The following ATXN7L1 variants were observed in gnomAD, a reference collection of about 807,000 sequenced individuals.
ATXN7L1 encodes ataxin 7 like 1.
Under a neutral mutation model 70.8 loss-of-function variants are expected in ATXN7L1, and 15 were observed. The observed-to-expected ratio is 0.21, with a 90% CI of 0.14 to 0.33. The LOEUF is 0.33. ATXN7L1 is among the 10% of genes least tolerant of loss of function. The pLI, the probability that ATXN7L1 is intolerant of heterozygous loss-of-function variation, is 1.00. For synonymous variants in ATXN7L1, 440 were observed against 445.1 expected (o/e 0.99, Z 0.14); for missense variants, 975 against 1,097.1 (o/e 0.89, Z 1.57).
intron 3 of ATXN7L1, among the ~76,000 whole-genome samples, chr7:105,702,973 A>G (rs963532782): frequency 4.7e-4 from 71 of 152,256 alleles, no homozygotes; most frequent in Non-Finnish European, 5.9e-4. Context: ...AAAATTAGCA[A>G]GGCGTGGCGG....
chr7:105,719,379 T>TA (rs1794931271), intron 3 of ATXN7L1, among the ~76,000 whole-genome samples: 1 of 152,204 alleles, frequency 6.6e-6, no homozygotes, highest in Non-Finnish European at 1.5e-5. Flanking sequence ...GGGTAGTTGA[T>TA]AAAATCATTA....
intron 4 of ATXN7L1, among the ~76,000 whole-genome samples, chr7:105,653,815 C>T (rs911446487): frequency 6.6e-6 from 1 of 152,068 alleles, no homozygotes; most frequent in African/African-American, 2.4e-5. Context: ...AACACCAGTG[C>T]TCCGGCCTGG....
At chr7:105,864,625 C>A (rs932308840) in intron 2 of ATXN7L1, among the ~76,000 whole-genome samples, 3 of 151,526 alleles carry the variant, frequency 2.0e-5, no homozygotes, top group Non-Finnish European at 4.4e-5. Flanking sequence ...GAAACAGATT[C>A]ATTCGTTTTT....
At chr7:105,860,146 T>C (rs1453644414) in intron 2 of ATXN7L1, among the ~76,000 whole-genome samples, 3 of 52,438 alleles carry the variant, frequency 5.7e-5, no homozygotes, top group Admixed American at 1.9e-4. Context: ...TATATATATA[T>C]ACATATATAT....
In ATXN7L1 at chr7:105,659,572, G is replaced by A. The variant is rs185289381; in HGVS notation, c.578+5494C>T. Among the ~76,000 whole-genome samples the A allele has an allele frequency of 7.7e-3, 1,168 of 152,308 alleles. 15 individuals carry two copies. The highest frequency in any genetic ancestry group is 0.027 in the African/African-American group (1,118 of 41,572). On this transcript the variant is annotated intron_variant, in intron 4 of 11. Coordinates refer to ENST00000419735, the MANE Select transcript of ATXN7L1 (RefSeq NM_020725.2). The stretch of plus-strand genomic sequence containing the variant: ...AATGAGGAAAGGGCATTGAGAGAAG[G>A]TAGCCAGTGAAACGGGCAATAAGAA...
At chr7:105,736,653 C>T (rs1797412069) in intron 3 of ATXN7L1, among the ~76,000 whole-genome samples, 1 of 152,120 alleles carries the variant, frequency 6.6e-6, no homozygotes, top group Non-Finnish European at 1.5e-5. Flanking sequence ...GAGCTGTAAA[C>T]CAGGCCTGTG....
At chr7:105,823,418 G>GT (rs760224395) in intron 2 of ATXN7L1, among the ~76,000 whole-genome samples, 1 of 152,142 alleles carries the variant, frequency 6.6e-6, no homozygotes, top group Non-Finnish European at 1.5e-5. Context: ...TTCTTGAATC[G>GT]TAACAGGCCC....
chr7:105,672,507 T>C lies in ATXN7L1; in HGVS notation c.356-7219A>G, dbSNP rs144425359. Reference sequence around the variant, plus strand: ...TTTAGCTATTCTCGTACTGTCGACCTACTATTTGTCTTTTAAAAAACTGAT... The same window carrying C: ...TTTAGCTATTCTCGTACTGTCGACCCACTATTTGTCTTTTAAAAAACTGAT... On this transcript the variant is annotated intron_variant, in intron 3 of 11. Transcript: ENST00000419735. Among the ~76,000 whole-genome samples, 530 of 152,364 alleles carry C rather than the reference T, an allele frequency of 3.5e-3. 16 individuals are homozygous for C. Among genetic ancestry groups the C allele is most frequent in the Admixed American group, 0.031 (469 of 15,304 alleles).
At chr7:105,838,303 C>T (rs915376774) in intron 2 of ATXN7L1, among the ~76,000 whole-genome samples, 4 of 152,180 alleles carry the variant, frequency 2.6e-5, no homozygotes, top group Non-Finnish European at 4.4e-5. Context: ...CGAAGACACT[C>T]GACATTTTAC....
intron 2 of ATXN7L1, among the ~76,000 whole-genome samples, chr7:105,860,329 C>G (rs957128802): frequency 3.3e-5 from 5 of 151,780 alleles, no homozygotes; most frequent in African/African-American, 1.2e-4. Context: ...AAATGAAAAA[C>G]TTTAGGTGCT....
intron 9 of ATXN7L1, among the ~76,000 whole-genome samples, chr7:105,618,484 C>A (rs1486001471): frequency 6.6e-6 from 1 of 152,178 alleles, no homozygotes; most frequent in Non-Finnish European, 1.5e-5. Flanking sequence ...AATTCAGACA[C>A]AAATGGGGCT....
At chr7:105,719,109 T>C (rs1173676999) in intron 3 of ATXN7L1, among the ~76,000 whole-genome samples, 2 of 152,192 alleles carry the variant, frequency 1.3e-5, no homozygotes, top group East Asian at 3.9e-4. Flanking sequence ...TCTTCTGTCC[T>C]TTTGTGAGCA....
intron 2 of ATXN7L1, among the ~76,000 whole-genome samples, chr7:105,794,620 T>C (rs1253665043): frequency 6.6e-6 from 1 of 152,214 alleles, no homozygotes; most frequent in Non-Finnish European, 1.5e-5. Context: ...TTTTATGAAC[T>C]GAACTGAAAT....
chr7:105,657,680 G>A (rs1382241014), intron 4 of ATXN7L1, among the ~76,000 whole-genome samples: 1 of 129,142 alleles, frequency 7.7e-6, no homozygotes, highest in Non-Finnish European at 1.6e-5. Context: ...CGCAGCCTGG[G>A]TGACAGAGTG....
Position 105,759,862 on chromosome 7 carries a change from G to GCC in ATXN7L1, c.355+28740_355+28741dup, listed in dbSNP as rs368183323. Among the ~76,000 whole-genome samples the GCC allele has an allele frequency of 2.0e-3, 296 of 150,830 alleles. 2 individuals carry two copies. The highest frequency in any genetic ancestry group is 5.7e-3 in the African/African-American group (234 of 41,032). ...ATATGTGCAAATCAATTTGATTTCC[G>GCC]CCCCCCCCAAAGATAGAAATCAGTA... is the stretch of plus-strand genomic sequence containing the variant. On this transcript the variant is annotated intron_variant, in intron 3 of 11. Coordinates refer to ENST00000419735, the MANE Select transcript of ATXN7L1 (RefSeq NM_020725.2).
chr7:105,865,964 A>G (rs1034029083), intron 2 of ATXN7L1, among the ~76,000 whole-genome samples: 1 of 152,172 alleles, frequency 6.6e-6, no homozygotes, highest in Admixed American at 6.5e-5. Flanking sequence ...TGTGACTCAT[A>G]TACTTTTTGA....
At chr7:105,798,230 C>T (rs1029158302) in intron 2 of ATXN7L1, among the ~76,000 whole-genome samples, 1 of 152,204 alleles carries the variant, frequency 6.6e-6, no homozygotes, top group African/African-American at 2.4e-5. Flanking sequence ...GTTCCTTCCC[C>T]CCACCCCATG....
intron 2 of ATXN7L1, among the ~76,000 whole-genome samples, chr7:105,802,013 G>A (rs1211951016): frequency 6.6e-6 from 1 of 152,114 alleles, no homozygotes; most frequent in African/African-American, 2.4e-5. Context: ...TTAAAGCCTG[G>A]TGTCTGAAAA....
At chr7:105,774,619 C>T (rs748865250) in intron 3 of ATXN7L1, among the ~76,000 whole-genome samples, 1 of 152,078 alleles carries the variant, frequency 6.6e-6, no homozygotes, top group Non-Finnish European at 1.5e-5. Context: ...TCCCAAAATG[C>T]TAAGATTACA....
Sources: allele counts gnomAD v4.1 joint callset (sites outside exome capture counted in the v4.1 genomes callset), GRCh38; gene constraint gnomAD v4.1.1; transcripts MANE v1.5; gene names NCBI Gene and HGNC (gene_info 2026-07-23, HGNC 2026-07-21).